Variants in NEXN observed in about 807,000 individuals in gnomAD.
NEXN encodes nexilin.
A neutral mutation model predicts 92.6 loss-of-function variants in NEXN; 65 were observed. That is an observed-to-expected ratio of 0.70 (90% CI 0.57 to 0.86). The LOEUF is 0.86. Ranked by LOEUF, NEXN falls within the 40% of genes least tolerant of loss-of-function variation. The pLI is 0.00. For synonymous variants in NEXN, 254 were observed against 242.5 expected, an observed-to-expected ratio of 1.05 and a Z score of -0.44; for missense variants, 778 against 771.1, an observed-to-expected ratio of 1.01 and a Z score of -0.11.
At chr1:77,900,167 C>G (rs899271228) in intron 1 of NEXN, among the ~76,000 whole-genome samples, 1 of 152,112 alleles carries the variant, frequency 6.6e-6, no homozygotes. Context: ...TTATAGCTCC[C>G]CAGATTTGCA....
At position 77,926,446 on chromosome 1, in the gene NEXN, A is replaced by C. The variant is rs1337400318; in HGVS notation, c.522A>C (p.Val174=). Reference sequence around the variant, plus strand: ...ATGATTCACTACTTATAACTGTGGTACCTGTCAAATCATATAAAACATCTG... The same window carrying C: ...ATGATTCACTACTTATAACTGTGGTCCCTGTCAAATCATATAAAACATCTG... ...EGDDSLLITV[V]PVKSYKTSGK... Residue 174 remains valine (V), a synonymous_variant, in exon 7 of 13, where the codon GTA becomes GTC. Transcript: ENST00000334785. 2.2e-5 allele frequency: 35 copies of C among 1,606,226 alleles called. No homozygotes were observed. In the East Asian group the frequency reaches 7.8e-4, roughly 36 times the overall value.
intron 1 of NEXN, among the ~76,000 whole-genome samples, chr1:77,903,330 ATT>A (rs1647865243): frequency 6.6e-6 from 1 of 152,120 alleles, no homozygotes; most frequent in Non-Finnish European, 1.5e-5. Flanking sequence ...TTATTATTCT[ATT>A]CTAATACAAT....
chr1:77,891,849 G>C (rs942040897), intron 1 of NEXN, among the ~76,000 whole-genome samples: 11 of 151,614 alleles, frequency 7.3e-5, no homozygotes, highest in African/African-American at 2.4e-4. Context: ...AGGCTGAGGC[G>C]AGAGGATCCC....
intron 9 of NEXN, chr1:77,933,056 G>T: frequency 2.7e-6 from 1 of 367,750 alleles, no homozygotes; most frequent in Non-Finnish European, 5.0e-6. Context: ...AGCTACTTGG[G>T]AGGCTGAGGC....
At chr1:77,890,913 A>G (rs780765934) in intron 1 of NEXN, among the ~76,000 whole-genome samples, 2 of 152,206 alleles carry the variant, frequency 1.3e-5, no homozygotes, top group South Asian at 4.1e-4. Flanking sequence ...CACACAGAAC[A>G]TCTTGGTAGT....
In NEXN at chr1:77,916,090, G is replaced by T. The variant is rs1485642116; in HGVS notation, c.-17G>T. The T allele has an allele frequency of 6.2e-7, 1 of 1,603,022 alleles. No homozygotes were observed. Among genetic ancestry groups the T allele is most frequent in the Non-Finnish European group, 8.5e-7 (1 of 1,173,544 alleles). ...ATACAGAGCTTCATAATCAGCCCAAGACCACATAGAGCAAACATGAATGAT... is the reference window on the plus strand; with the variant it reads ...ATACAGAGCTTCATAATCAGCCCAATACCACATAGAGCAAACATGAATGAT... On this transcript the variant is annotated 5_prime_UTR_variant, in exon 2 of 13. Coordinates refer to ENST00000334785, the MANE Select transcript of NEXN (RefSeq NM_144573.4).
chr1:77,941,957 GAACTAGT>G lies in NEXN; in HGVS notation c.1474-62_1474-56del. 2.0e-6 allele frequency: 3 copies of G among 1,486,620 alleles called. No individual in the cohort carries two copies. The East Asian group carries it at 7.1e-5, about 35-fold the overall frequency. 92.1% of individuals were successfully genotyped at this position (1,486,620 alleles called of 1,614,324 possible). A position where few individuals can be genotyped will look rare whatever the true frequency, so the allele number is the denominator to read the frequency against. On this transcript the variant is annotated intron_variant, in intron 11 of 12. Coordinates refer to ENST00000334785, the MANE Select transcript of NEXN (RefSeq NM_144573.4). The stretch of plus-strand genomic sequence containing the variant: ...CATTTTGTGCTTCTAAACACCTTTA[GAACTAGT>G]AACGCTTCTTTGTTTTTAGAAGGCA...
At position 77,942,179 on chromosome 1, in the gene NEXN, C is replaced by T; in HGVS notation, c.1630C>T (p.Gln544Ter). ...AAAGTTACTACGCATGCAGTTTGAACAAAGGGAAATTGATGCAGCACTACA... is the reference window on the plus strand; with the variant it reads ...AAAGTTACTACGCATGCAGTTTGAATAAAGGGAAATTGATGCAGCACTACA... ...EQKLLRMQFE[Q>*]REIDAALQKK... The change falls in exon 12 of 13, where the codon CAA (glutamine) becomes TAA (stop). Residue 544 changes from glutamine (Q) to a stop codon, truncating the protein, a stop_gained. Coordinates refer to ENST00000334785, the MANE Select transcript of NEXN (RefSeq NM_144573.4). LOFTEE classifies it high-confidence loss of function. The T allele has an allele frequency of 6.2e-7, 1 of 1,613,712 alleles. No homozygotes were observed. Among genetic ancestry groups the T allele is most frequent in the Non-Finnish European group, 8.5e-7 (1 of 1,179,706 alleles).
chr1:77,900,543 T>C (rs1353323610), intron 1 of NEXN, among the ~76,000 whole-genome samples: 1 of 152,214 alleles, frequency 6.6e-6, no homozygotes, highest in Non-Finnish European at 1.5e-5. Context: ...TAATGTATTG[T>C]AAATACAGAC....
chr1:77,907,412 C>T (rs550524291), intron 1 of NEXN, among the ~76,000 whole-genome samples: 1 of 152,282 alleles, frequency 6.6e-6, no homozygotes, highest in Admixed American at 6.5e-5. Context: ...GATGTGAGTT[C>T]TATTGGTTTG....
chr1:77,895,588 G>A (rs961479523), intron 1 of NEXN, among the ~76,000 whole-genome samples: 2 of 152,190 alleles, frequency 1.3e-5, no homozygotes, highest in African/African-American at 4.8e-5. Context: ...AGTTGGCTGG[G>A]CACTGTGGCT....
chr1:77,932,028 C>A (rs12723748), intron 9 of NEXN: 138,535 of 152,256 alleles, frequency 0.91, 63,226 homozygotes, highest in African/African-American at 0.95. Flanking sequence ...CCTGGGTTCA[C>A]GTGATTCTCC....
chr1:77,942,022 G>A lies in NEXN; in HGVS notation c.1474-1G>A. 6.2e-7 allele frequency: 1 copy of A among 1,612,128 alleles called. No homozygotes were observed. The highest frequency in any genetic ancestry group is 1.1e-5 in the South Asian group (1 of 90,758). On this transcript the variant is annotated splice_acceptor_variant, in intron 11 of 12. Transcript: ENST00000334785. LOFTEE classifies it high-confidence loss of function. The stretch of plus-strand genomic sequence containing the variant: ...GTTAATCTTGGCCCACTTTCTTGCA[G>A]GAAGATGATGTTGATGTTAGGCCTG...
intron 11 of NEXN, among the ~76,000 whole-genome samples, chr1:77,938,794 T>TA (rs2102166041): frequency 6.6e-6 from 1 of 152,150 alleles, no homozygotes; most frequent in African/African-American, 2.4e-5. Context: ...ACATTCCAGA[T>TA]AGAGGAGAAG....
At chr1:77,933,603 G>A in intron 10 of NEXN, 124 bp downstream of exon 10, 2 of 778,842 alleles carry the variant, frequency 2.6e-6, no homozygotes, top group Non-Finnish European at 4.3e-6. Flanking sequence ...ATTATGAGGT[G>A]CTTACATGGT....
Position 77,911,549 on chromosome 1 carries a change from A to G in NEXN, c.-52-4506A>G, listed in dbSNP as rs1008147021. Among the ~76,000 whole-genome samples the G allele has an allele frequency of 4.0e-5, 6 of 151,856 alleles. No homozygotes were observed. The South Asian group carries it at 8.3e-4, about 21-fold the overall frequency. On this transcript the variant is annotated intron_variant, in intron 1 of 12. Coordinates refer to ENST00000334785, the MANE Select transcript of NEXN (RefSeq NM_144573.4). ...GGAGGTTGCAGTGAGCCGAGATTGC[A>G]CCATTGCACTCCAGCCTGGGCGACA...
At position 77,912,785 on chromosome 1, in the gene NEXN, C is replaced by T. The variant is rs12032369; in HGVS notation, c.-52-3270C>T. Among the ~76,000 whole-genome samples the T allele has an allele frequency of 3.7e-4, 56 of 152,288 alleles. 1 individual carries two copies. The highest frequency in any genetic ancestry group is 1.2e-3 in the African/African-American group (51 of 41,558). ...CTAGAAATAGACCTTACATTCTTCACAAAAATTAACTCAAAATGAATCACA... is the reference window on the plus strand; with the variant it reads ...CTAGAAATAGACCTTACATTCTTCATAAAAATTAACTCAAAATGAATCACA... On this transcript the variant is annotated intron_variant, in intron 1 of 12. Coordinates refer to ENST00000334785, the MANE Select transcript of NEXN (RefSeq NM_144573.4).
Position 77,932,605 on chromosome 1 carries a change from G to A in NEXN, c.1054-677G>A, listed in dbSNP as rs183809082. Among the ~76,000 whole-genome samples the A allele has an allele frequency of 9.1e-4, 139 of 152,186 alleles. 1 individual carries two copies. Among genetic ancestry groups the A allele is most frequent in the Non-Finnish European group, 1.5e-3 (101 of 68,012 alleles). The stretch of plus-strand genomic sequence containing the variant: ...ACTTAAATGCTTTAATTACCAACCT[G>A]GGGAGTCGTTTCAATCCAATTAAAA... On this transcript the variant is annotated intron_variant, in intron 9 of 12. Transcript: ENST00000334785.
intron 1 of NEXN, among the ~76,000 whole-genome samples, chr1:77,909,142 C>A (rs1362972444): frequency 1.3e-5 from 2 of 152,078 alleles, no homozygotes; most frequent in Admixed American, 6.6e-5. Context: ...AATATCAGGC[C>A]AGGCATGGTG....
Sources: allele counts gnomAD v4.1 joint callset (sites outside exome capture counted in the v4.1 genomes callset), GRCh38; gene constraint gnomAD v4.1.1; transcripts MANE v1.5; gene names NCBI Gene and HGNC (gene_info 2026-07-23, HGNC 2026-07-21).